Variants in SLC37A3 observed in about 807,000 individuals in gnomAD.
SLC37A3 encodes the protein sugar phosphate exchanger 3.
In SLC37A3, 51 loss-of-function variants were observed where a neutral mutation model predicts 67.1. The ratio of observed to expected loss-of-function variants is 0.76; its 90% CI spans 0.61 to 0.96. The LOEUF is 0.96. Ranked by LOEUF, SLC37A3 falls within the 40% of genes least tolerant of loss-of-function variation. The probability of loss-of-function intolerance (pLI) is 0.00; values close to 1 mark genes in which losing one functional copy is unlikely to be tolerated. For missense variants in SLC37A3, 508 were observed against 603.0 expected (o/e 0.84, Z 1.65); for synonymous variants, 214 against 231.4 (o/e 0.92, Z 0.68).
intron 1 of SLC37A3, among the ~76,000 whole-genome samples, chr7:140,390,624 G>A (rs1486008481): frequency 2.6e-5 from 4 of 152,012 alleles, no homozygotes; most frequent in Non-Finnish European, 5.9e-5. Flanking sequence ...CCCGTCCCAT[G>A]GTCACCCAAC....
intron 5 of SLC37A3, among the ~76,000 whole-genome samples, chr7:140,362,577 G>A (rs1354464964): frequency 3.0e-5 from 3 of 101,638 alleles, no homozygotes; most frequent in East Asian, 3.5e-4. Flanking sequence ...CCGGCCAGCC[G>A]CCCCGTCCGG....
At chr7:140,345,156 C>T in intron 12 of SLC37A3, 60 bp downstream of exon 12, 2 of 1,472,824 alleles carry the variant, frequency 1.4e-6, no homozygotes, top group Non-Finnish European at 1.9e-6. Context: ...AAACAGTTTC[C>T]CTTTTCCTCT....
chr7:140,366,114 C>A (rs748961375), intron 4 of SLC37A3, among the ~76,000 whole-genome samples: 4 of 151,556 alleles, frequency 2.6e-5, no homozygotes, highest in Admixed American at 2.0e-4. Flanking sequence ...GAGATGGGTT[C>A]TTGCTATGTT....
rs757865909 is a variant in SLC37A3 at position 140,337,538 on chromosome 7, G to A, written c.1327-189C>T. 3 of 430,652 alleles carry A rather than the reference G, an allele frequency of 7.0e-6. No homozygotes were observed. The South Asian group carries it at 2.1e-4, about 30-fold the overall frequency. 26.7% of individuals were successfully genotyped at this position (430,652 alleles called of 1,614,324 possible). On this transcript the variant is annotated intron_variant, in intron 13 of 14. Transcript: ENST00000326232. ...TTAATGGCCCATTTAAGCATGCAGA[G>A]TCCAAATGGAAAAACCGTATAATAG...
chr7:140,336,166 A>G (rs1796123304), intron 14 of SLC37A3, among the ~76,000 whole-genome samples: 1 of 152,250 alleles, frequency 6.6e-6, no homozygotes, highest in Non-Finnish European at 1.5e-5. Flanking sequence ...GTCACAGCTC[A>G]TAACAGAGAG....
chr7:140,350,534 G>A lies in SLC37A3; in HGVS notation c.882+739C>T, dbSNP rs569746994. ...AATCCCAGCATTCTGGGAGGCCAAA[G>A]TGGGCAGACCATGAGATCAAGAGAT... On this transcript the variant is annotated intron_variant, in intron 9 of 14. Coordinates refer to ENST00000326232, the MANE Select transcript of SLC37A3 (RefSeq NM_207113.3). Among the ~76,000 whole-genome samples the A allele has an allele frequency of 6.6e-5, 10 of 152,184 alleles. No individual in the cohort carries two copies. The South Asian group carries it at 2.1e-3, about 32-fold the overall frequency.
intron 13 of SLC37A3, among the ~76,000 whole-genome samples, chr7:140,338,320 C>T (rs1796222694): frequency 6.6e-6 from 1 of 152,206 alleles, no homozygotes; most frequent in African/African-American, 2.4e-5. Context: ...AAATTAACTG[C>T]CCATCTCCCC....
intron 2 of SLC37A3, among the ~76,000 whole-genome samples, chr7:140,381,447 C>A (rs1322505275): frequency 1.3e-5 from 2 of 151,768 alleles, no homozygotes; most frequent in Non-Finnish European, 2.9e-5. Context: ...ATCATTTGAT[C>A]CCGGGAGTTC....
chr7:140,392,189 A>G (rs1798750087), intron 1 of SLC37A3, among the ~76,000 whole-genome samples: 1 of 151,972 alleles, frequency 6.6e-6, no homozygotes, highest in South Asian at 2.1e-4. Flanking sequence ...GGCTGGAGCT[A>G]TACTCCAGTG....
intron 13 of SLC37A3, among the ~76,000 whole-genome samples, chr7:140,341,237 G>A (rs957917720): frequency 2.0e-5 from 3 of 152,152 alleles, no homozygotes; most frequent in Non-Finnish European, 4.4e-5. Context: ...CTAGCCTCAT[G>A]TACAAGTTTT....
intron 4 of SLC37A3, among the ~76,000 whole-genome samples, chr7:140,365,629 G>A (rs539025409): frequency 1.3e-5 from 2 of 152,262 alleles, no homozygotes; most frequent in Non-Finnish European, 2.9e-5. Context: ...GCTGAGGCAG[G>A]AGAATCACTT....
chr7:140,379,664 G>A (rs7777207), intron 3 of SLC37A3, among the ~76,000 whole-genome samples: 58,723 of 151,326 alleles, frequency 0.39, 12,105 homozygotes, highest in Non-Finnish European at 0.46. Flanking sequence ...AGGCCAAGGC[G>A]GGTGGATTGC....
chr7:140,381,214 A>T (rs1585355358), intron 2 of SLC37A3, among the ~76,000 whole-genome samples: 1 of 28,080 alleles, frequency 3.6e-5, no homozygotes, highest in Non-Finnish European at 8.5e-5. Flanking sequence ...TCTTCTCTTT[A>T]AAAAAAAAAA....
At chr7:140,361,396 C>T (rs1338281425) in intron 5 of SLC37A3, among the ~76,000 whole-genome samples, 4 of 151,628 alleles carry the variant, frequency 2.6e-5, no homozygotes, top group Non-Finnish European at 2.9e-5. Flanking sequence ...GCATGAGAAT[C>T]GCTTGAACCT....
intron 6 of SLC37A3, among the ~76,000 whole-genome samples, chr7:140,357,688 G>A (rs913853069): frequency 4.6e-5 from 7 of 151,818 alleles, no homozygotes; most frequent in Admixed American, 2.0e-4. Flanking sequence ...AGGCTGAGGC[G>A]GGCGAAATCA....
intron 5 of SLC37A3, among the ~76,000 whole-genome samples, chr7:140,363,667 G>T (rs1797463917): frequency 9.6e-6 from 1 of 104,662 alleles, no homozygotes; most frequent in Admixed American, 1.1e-4. Flanking sequence ...CCCCCTCTGC[G>T]AGAAACACCC....
chr7:140,362,874 G>A (rs1435105488), intron 5 of SLC37A3, among the ~76,000 whole-genome samples: 1 of 71,220 alleles, frequency 1.4e-5, no homozygotes. Flanking sequence ...CCCTCTGCCC[G>A]GCCAGCCGCC....
chr7:140,368,991 C>A (rs1392268899), intron 4 of SLC37A3, among the ~76,000 whole-genome samples: 1 of 152,128 alleles, frequency 6.6e-6, no homozygotes, highest in African/African-American at 2.4e-5. Context: ...CAGGTCCTGC[C>A]GCTGCTCTGC....
At chr7:140,351,035 GA>G (rs1299892861) in intron 9 of SLC37A3, among the ~76,000 whole-genome samples, 2 of 152,138 alleles carry the variant, frequency 1.3e-5, no homozygotes, top group East Asian at 3.9e-4. Flanking sequence ...GGAGAGACTG[GA>G]TGGTTCCCCG....
Sources: gnomAD v4.1 joint callset for allele counts (sites outside exome capture counted in the v4.1 genomes callset) on GRCh38, gnomAD v4.1.1 for gene constraint, MANE v1.5 for transcripts, NCBI Gene and HGNC (gene_info 2026-07-23, HGNC 2026-07-21) for gene names.